TLN2: variants seen among roughly 807,000 people sequenced by gnomAD.
TLN2 encodes the protein talin 2, also known as talin-2.
In TLN2, 118 loss-of-function variants were observed where a neutral mutation model predicts 294.7. The ratio of observed to expected loss-of-function variants is 0.40; its 90% CI spans 0.34 to 0.47. The LOEUF (loss-of-function observed/expected upper bound fraction) is 0.47. Among genes scored for constraint, TLN2 ranks in the 20% least tolerant of loss-of-function variants. The pLI is 0.84. For synonymous variants in TLN2, 1,431 were observed against 1,304.5 expected (o/e 1.10, Z -2.09); for missense variants, 3,083 against 3,282.2 (o/e 0.94, Z 1.48).
intron 1 of TLN2, among the ~76,000 whole-genome samples, chr15:62,531,405 G>T (rs936414216): frequency 1.3e-5 from 2 of 152,310 alleles, no homozygotes; most frequent in African/African-American, 4.8e-5. Flanking sequence ...CAGGGGTTGG[G>T]CTGGTTGGGG....
intron 1 of TLN2, among the ~76,000 whole-genome samples, chr15:62,398,675 T>C (rs1351502130): frequency 1.2e-4 from 18 of 152,218 alleles, no homozygotes; most frequent in African/African-American, 4.3e-4. Flanking sequence ...CTTGCTATGC[T>C]TCAGCAAAGA....
intron 2 of TLN2, among the ~76,000 whole-genome samples, chr15:62,596,711 A>C (rs916358505): frequency 4.0e-5 from 6 of 151,710 alleles, no homozygotes; most frequent in Admixed American, 1.3e-4. Context: ...GCACTCCAGC[A>C]GCCTGGGCAA....
At chr15:62,797,626 G>T (rs111901780) in intron 48 of TLN2, among the ~76,000 whole-genome samples, 12 of 152,338 alleles carry the variant, frequency 7.9e-5, no homozygotes, top group South Asian at 2.1e-4. Context: ...GATTTGAGAA[G>T]AGTCTAGAAG....
At chr15:62,417,040 G>A (rs1206171964) in intron 1 of TLN2, among the ~76,000 whole-genome samples, 3 of 152,098 alleles carry the variant, frequency 2.0e-5, no homozygotes, top group South Asian at 4.1e-4. Context: ...GCAGATCATC[G>A]AGTTACAGAG....
chr15:62,686,212 T>C (rs961671641), intron 11 of TLN2, among the ~76,000 whole-genome samples: 8 of 152,330 alleles, frequency 5.3e-5, no homozygotes, highest in Admixed American at 2.0e-4. Context: ...CTCCTCATAA[T>C]GAGAAGATTC....
At chr15:62,765,086 C>T (rs760820888) in intron 40 of TLN2, among the ~76,000 whole-genome samples, 17 of 151,438 alleles carry the variant, frequency 1.1e-4, no homozygotes, top group Admixed American at 2.0e-4. Flanking sequence ...TTTTAACTCC[C>T]TCACTAGGAA....
intron 2 of TLN2, among the ~76,000 whole-genome samples, chr15:62,592,035 C>A (rs1437210969): frequency 6.6e-6 from 1 of 152,036 alleles, no homozygotes; most frequent in Non-Finnish European, 1.5e-5. Context: ...GATTCTTAAG[C>A]CGTTATCTGT....
chr15:62,487,213 A>G (rs1036009975), intron 1 of TLN2, among the ~76,000 whole-genome samples: 4 of 152,204 alleles, frequency 2.6e-5, no homozygotes, highest in South Asian at 2.1e-4. Flanking sequence ...TCTGTCGTTG[A>G]CTTACTGGGT....
At chr15:62,773,713 TG>T (rs1215230574) in intron 42 of TLN2, among the ~76,000 whole-genome samples, 1 of 152,160 alleles carries the variant, frequency 6.6e-6, no homozygotes, top group Non-Finnish European at 1.5e-5. Context: ...GCACAAGCTT[TG>T]GGGTCAAACA....
At chr15:62,433,150 TG>T (rs1207995513) in intron 1 of TLN2, among the ~76,000 whole-genome samples, 3 of 152,144 alleles carry the variant, frequency 2.0e-5, no homozygotes, top group Admixed American at 2.0e-4. Flanking sequence ...CAAATCATGG[TG>T]TTTTCTGGGA....
chr15:62,719,727 C>A, intron 24 of TLN2, 40 bp from the exon 25 acceptor site: 1 of 1,489,244 alleles, frequency 6.7e-7, no homozygotes, highest in South Asian at 1.3e-5. Flanking sequence ...ATGGTCCCAC[C>A]ATTCTAGCCA....
chr15:62,411,891 A>G (rs2033800740), intron 1 of TLN2, among the ~76,000 whole-genome samples: 1 of 152,170 alleles, frequency 6.6e-6, no homozygotes, highest in Admixed American at 6.6e-5. Flanking sequence ...GTTGTGTGGG[A>G]ACTTTAGAAG....
intron 3 of TLN2, among the ~76,000 whole-genome samples, chr15:62,628,481 A>C (rs144165486): frequency 6.6e-6 from 1 of 152,280 alleles, no homozygotes; most frequent in East Asian, 1.9e-4. Flanking sequence ...AAGTGGAATT[A>C]TTGTAAACAT....
intron 32 of TLN2, among the ~76,000 whole-genome samples, chr15:62,744,180 C>T (rs562868065): frequency 1.7e-4 from 26 of 152,066 alleles, no homozygotes; most frequent in Non-Finnish European, 3.2e-4. Context: ...ACTCTGTGCC[C>T]GGCAGCTGAG....
chr15:62,704,557 T>TG (rs2058936311), intron 19 of TLN2, among the ~76,000 whole-genome samples: 2 of 152,230 alleles, frequency 1.3e-5, no homozygotes, highest in Non-Finnish European at 2.9e-5. Context: ...ACTCTCCACA[T>TG]GCCTGTGGCA....
chr15:62,465,282 C>G (rs1179466617), intron 1 of TLN2, among the ~76,000 whole-genome samples: 1 of 152,026 alleles, frequency 6.6e-6, no homozygotes, highest in African/African-American at 2.4e-5. Context: ...GGCCTAGCCC[C>G]CCTATCCCAG....
chr15:62,508,782 T>A (rs2039772822), intron 1 of TLN2, among the ~76,000 whole-genome samples: 1 of 152,196 alleles, frequency 6.6e-6, no homozygotes, highest in Non-Finnish European at 1.5e-5. Context: ...GTTTCTCTAT[T>A]TACGTTTTTG....
rs1306386311 is a variant in TLN2, at chr15:62,563,054, A to G, written c.-237-26633A>G. On this transcript the variant is annotated intron_variant, in intron 1 of 58. Coordinates refer to ENST00000636159, the MANE Select transcript of TLN2 (RefSeq NM_015059.3). ...AGTTGCGAATTGTGCTGCTATAAAC[A>G]TGCATGTATAAGTATTTTTTTTGTA... 3.3e-5 allele frequency among the ~76,000 whole-genome samples: 5 copies of G among 152,220 alleles called. No individual in the cohort carries two copies. In the South Asian group the frequency reaches 1.0e-3, roughly 32 times the overall value.
Position 62,441,456 on chromosome 15 carries a change from T to C in TLN2, c.-238+50771T>C, listed in dbSNP as rs151152189. ...CTGAATACATGTAAACAGAAAACAC[T>C]GAGGTAAACTAAAGATAGAAGAAAC... On this transcript the variant is annotated intron_variant, in intron 1 of 58. Coordinates refer to ENST00000636159, the MANE Select transcript of TLN2 (RefSeq NM_015059.3). Among the ~76,000 whole-genome samples the C allele has an allele frequency of 2.0e-5, 3 of 152,300 alleles. No homozygotes were observed. In the East Asian group the frequency reaches 5.8e-4, roughly 29 times the overall value.
Sources: allele counts gnomAD v4.1 joint callset (sites outside exome capture counted in the v4.1 genomes callset), GRCh38; gene constraint gnomAD v4.1.1; transcripts MANE v1.5; gene names NCBI Gene and HGNC (gene_info 2026-07-23, HGNC 2026-07-21).